TMCC1: variants seen among roughly 807,000 people sequenced by gnomAD.
TMCC1 encodes transmembrane and coiled-coil domain family 1.
In TMCC1, 15 loss-of-function variants were observed where a neutral mutation model predicts 52.4. The ratio of observed to expected loss-of-function variants is 0.29; its 90% CI spans 0.19 to 0.44. The LOEUF is 0.44. TMCC1 is among the 20% of genes least tolerant of loss of function. The probability of loss-of-function intolerance (pLI) is 1.00; values close to 1 mark genes in which losing one functional copy is unlikely to be tolerated. For missense variants in TMCC1, 503 were observed against 806.0 expected, an observed-to-expected ratio of 0.62 and a Z score of 4.55; for synonymous variants, 279 against 301.9, an observed-to-expected ratio of 0.92 and a Z score of 0.79.
At chr3:129,755,489 C>T (rs1172470826) in intron 4 of TMCC1, among the ~76,000 whole-genome samples, 2 of 151,894 alleles carry the variant, frequency 1.3e-5, no homozygotes, top group Admixed American at 6.6e-5. Flanking sequence ...AAAATATTTG[C>T]AAATCAGAAA....
At chr3:129,854,166 T>G (rs1577096305) in intron 2 of TMCC1, among the ~76,000 whole-genome samples, 1 of 151,898 alleles carries the variant, frequency 6.6e-6, no homozygotes, top group African/African-American at 2.4e-5. Flanking sequence ...CTGAGGTAGG[T>G]GGATCACTTG....
chr3:129,811,584 C>A (rs1378592516), intron 4 of TMCC1, among the ~76,000 whole-genome samples: 2 of 152,046 alleles, frequency 1.3e-5, no homozygotes, highest in African/African-American at 2.4e-5. Context: ...GAAAAGTGAT[C>A]CTGAGATGGG....
intron 2 of TMCC1, among the ~76,000 whole-genome samples, chr3:129,864,726 G>C (rs892633860): frequency 2.0e-5 from 3 of 152,162 alleles, no homozygotes; most frequent in African/African-American, 7.2e-5. Flanking sequence ...TGGGTGATGG[G>C]AGTCAGATGC....
rs1219757132 is a variant in TMCC1, at chr3:129,696,977, G to A, written c.577-25713C>T. On this transcript the variant is annotated intron_variant, in intron 4 of 6. Coordinates refer to ENST00000393238, the MANE Select transcript of TMCC1 (RefSeq NM_001017395.5). ...TGGGTGCTTTCATGGGGTGGCGTTA[G>A]GTGTCTGCAGCTTTTCCAGGTGCAC... 2.6e-5 allele frequency among the ~76,000 whole-genome samples: 4 copies of A among 152,322 alleles called. No homozygotes were observed. The East Asian group carries it at 7.7e-4, about 29-fold the overall frequency.
At chr3:129,818,092 G>A (rs1232735766) in intron 4 of TMCC1, among the ~76,000 whole-genome samples, 2 of 151,992 alleles carry the variant, frequency 1.3e-5, no homozygotes, top group East Asian at 3.9e-4. Context: ...TTACAGTCGT[G>A]AGCCACCGTG....
chr3:129,846,315 G>C (rs2059662269), intron 2 of TMCC1, among the ~76,000 whole-genome samples: 1 of 152,184 alleles, frequency 6.6e-6, no homozygotes, highest in Non-Finnish European at 1.5e-5. Context: ...GAACCCAAGA[G>C]ATAGAGGCTG....
At chr3:129,842,335 A>T (rs2107871326) in intron 2 of TMCC1, among the ~76,000 whole-genome samples, 1 of 152,236 alleles carries the variant, frequency 6.6e-6, no homozygotes, top group Admixed American at 6.5e-5. Context: ...GCTTGGTGAC[A>T]TGCACCTGTA....
chr3:129,716,162 CTTTGT>C (rs1560254125), intron 4 of TMCC1, among the ~76,000 whole-genome samples: 4 of 18,894 alleles, frequency 2.1e-4, no homozygotes, highest in Admixed American at 1.1e-3. Flanking sequence ...TTTCTTTTTT[CTTTGT>C]TTTTTTTTTT....
At chr3:129,808,830 A>T (rs1202338621) in intron 4 of TMCC1, among the ~76,000 whole-genome samples, 1 of 151,232 alleles carries the variant, frequency 6.6e-6, no homozygotes, top group Non-Finnish European at 1.5e-5. Flanking sequence ...CAGCATAAGC[A>T]TGTTATTTAG....
intron 4 of TMCC1, among the ~76,000 whole-genome samples, chr3:129,704,849 G>A (rs1691551137): frequency 6.6e-6 from 1 of 152,158 alleles, no homozygotes; most frequent in Admixed American, 6.5e-5. Flanking sequence ...ATTAGCACAA[G>A]CAGATGTTCA....
At chr3:129,772,423 C>T (rs1342546889) in intron 4 of TMCC1, among the ~76,000 whole-genome samples, 1 of 151,780 alleles carries the variant, frequency 6.6e-6, no homozygotes, top group Admixed American at 6.6e-5. Context: ...GAGATTAAAA[C>T]AACTGATTCA....
At chr3:129,746,307 A>G (rs1332622543) in intron 4 of TMCC1, among the ~76,000 whole-genome samples, 2 of 150,734 alleles carry the variant, frequency 1.3e-5, no homozygotes, top group Non-Finnish European at 2.9e-5. Flanking sequence ...AGTAGTTGGG[A>G]CTACAGGCGT....
intron 4 of TMCC1, among the ~76,000 whole-genome samples, chr3:129,775,481 A>C (rs2054964749): frequency 6.6e-6 from 1 of 152,166 alleles, no homozygotes; most frequent in South Asian, 2.1e-4. Flanking sequence ...AAAAAGAAAA[A>C]GAAATTAAAC....
intron 1 of TMCC1, among the ~76,000 whole-genome samples, chr3:129,885,621 T>C (rs753835361): frequency 1.3e-5 from 2 of 152,146 alleles, no homozygotes; most frequent in Non-Finnish European, 2.9e-5. Context: ...TTTGATGCTA[T>C]TCTATTATAG....
intron 4 of TMCC1, among the ~76,000 whole-genome samples, chr3:129,795,703 GAAAC>G (rs2056780051): frequency 2.0e-5 from 3 of 152,162 alleles, no homozygotes; most frequent in Admixed American, 2.0e-4. Context: ...GAAAATTCCA[GAAAC>G]AAACCATTCA....
At chr3:129,816,698 T>C (rs977404346) in intron 4 of TMCC1, among the ~76,000 whole-genome samples, 1 of 152,022 alleles carries the variant, frequency 6.6e-6, no homozygotes, top group Admixed American at 6.6e-5. Context: ...AGGGTGATTA[T>C]AGAAGATAAT....
At chr3:129,716,596 G>A (rs1422918780) in intron 4 of TMCC1, among the ~76,000 whole-genome samples, 7 of 148,864 alleles carry the variant, frequency 4.7e-5, no homozygotes, top group South Asian at 2.1e-4. Flanking sequence ...TGATCTGCCC[G>A]CCTCGGCCTC....
intron 2 of TMCC1, among the ~76,000 whole-genome samples, chr3:129,846,272 G>C (rs2059661118): frequency 6.6e-6 from 1 of 152,110 alleles, no homozygotes; most frequent in South Asian, 2.1e-4. Flanking sequence ...TATAGTCCCA[G>C]CTTCTCAGGA....
intron 5 of TMCC1, among the ~76,000 whole-genome samples, chr3:129,659,320 C>T (rs1285064077): frequency 6.6e-6 from 1 of 151,710 alleles, no homozygotes; most frequent in African/African-American, 2.4e-5. Flanking sequence ...GTCTTGAACT[C>T]CTGAGCTCAA....
Sources: allele counts gnomAD v4.1 joint callset (sites outside exome capture counted in the v4.1 genomes callset), GRCh38; gene constraint gnomAD v4.1.1; transcripts MANE v1.5; gene names NCBI Gene and HGNC (gene_info 2026-07-23, HGNC 2026-07-21).